Variants in CREG2 observed in about 807,000 individuals in gnomAD.
CREG2 encodes protein CREG2.
In CREG2, 24 loss-of-function variants were observed where a neutral mutation model predicts 26.2. The ratio of observed to expected loss-of-function variants is 0.92; its 90% CI spans 0.66 to 1.29. The LOEUF (loss-of-function observed/expected upper bound fraction) is 1.29. Among genes scored for constraint, CREG2 ranks in the 50% most tolerant of loss-of-function variants. The pLI is 0.00. For synonymous variants in CREG2, 174 were observed against 169.2 expected (o/e 1.03, Z -0.22); for missense variants, 366 against 398.6 (o/e 0.92, Z 0.70).
rs2104467606 is a variant in CREG2 at position 101,350,912 on chromosome 2, T to C, written c.*11A>G. 1 of 1,613,794 alleles carries C rather than the reference T, an allele frequency of 6.2e-7. No homozygotes were observed. The highest frequency in any genetic ancestry group is 8.5e-7 in the Non-Finnish European group (1 of 1,179,866). ...TTAAGTGCAAACACCAAGGACTTTC[T>C]TCTCACTCCATCAGGCCTTTCTGGG... On this transcript the variant is annotated 3_prime_UTR_variant, in exon 4 of 4. Transcript: ENST00000324768.
At chr2:101,362,771 G>T (rs1684561508) in intron 2 of CREG2, among the ~76,000 whole-genome samples, 2 of 152,176 alleles carry the variant, frequency 1.3e-5, no homozygotes, top group South Asian at 4.1e-4. Context: ...CCTGACTTTA[G>T]AGTCAGCTAC....
At chr2:101,359,031 T>C (rs1184024646) in intron 2 of CREG2, among the ~76,000 whole-genome samples, 1 of 62,252 alleles carries the variant, frequency 1.6e-5, no homozygotes, top group African/African-American at 7.6e-5. Context: ...CGAGACTCCG[T>C]CTCAAAAAAA....
intron 2 of CREG2, chr2:101,382,036 C>A (rs1684882567): frequency 3.3e-5 from 5 of 152,306 alleles, no homozygotes; most frequent in Admixed American, 2.6e-4. Context: ...GCTGCCGCAG[C>A]TTTGTCCCAA....
At chr2:101,368,662 G>A (rs1684654749) in intron 2 of CREG2, among the ~76,000 whole-genome samples, 1 of 152,228 alleles carries the variant, frequency 6.6e-6, no homozygotes, top group Non-Finnish European at 1.5e-5. Flanking sequence ...CCTAGAAAAT[G>A]AGTAGGAATC....
chr2:101,375,207 C>T (rs1422870886), intron 2 of CREG2, among the ~76,000 whole-genome samples: 1 of 152,194 alleles, frequency 6.6e-6, no homozygotes, highest in African/African-American at 2.4e-5. Context: ...GCAAGTTGTT[C>T]CGAGGGATCC....
intron 2 of CREG2, among the ~76,000 whole-genome samples, chr2:101,374,112 C>T (rs533270785): frequency 3.3e-5 from 5 of 152,240 alleles, no homozygotes; most frequent in African/African-American, 9.6e-5. Flanking sequence ...AAGAGCTATC[C>T]GCCAGGTGTG....
At chr2:101,382,159 G>C (rs1477991091) in intron 2 of CREG2, 1 of 152,266 alleles carries the variant, frequency 6.6e-6, no homozygotes, top group Non-Finnish European at 1.5e-5. Flanking sequence ...GGGAAGCTTA[G>C]AAAGGTATCC....
chr2:101,385,574 G>C (rs187625632), intron 1 of CREG2, among the ~76,000 whole-genome samples: 10 of 152,292 alleles, frequency 6.6e-5, no homozygotes, highest in Non-Finnish European at 1.2e-4. Flanking sequence ...GCACCTTGTT[G>C]TTACTTGCTC....
chr2:101,367,814 C>T (rs1684640541), intron 2 of CREG2, among the ~76,000 whole-genome samples: 1 of 152,334 alleles, frequency 6.6e-6, no homozygotes, highest in South Asian at 2.1e-4. Context: ...ATGACAGAAG[C>T]AAGCCCTGAG....
intron 2 of CREG2, among the ~76,000 whole-genome samples, chr2:101,368,769 T>C (rs1321231528): frequency 6.6e-6 from 1 of 152,044 alleles, no homozygotes; most frequent in African/African-American, 2.4e-5. Flanking sequence ...CCCCAGAGAG[T>C]TCTCTGGCCC....
intron 3 of CREG2, among the ~76,000 whole-genome samples, chr2:101,354,818 A>AGGTTGG (rs1684431974): frequency 6.6e-6 from 1 of 152,060 alleles, no homozygotes; most frequent in Non-Finnish European, 1.5e-5. Context: ...TTCAGTAAGT[A>AGGTTGG]GGTTGGGGTT....
rs368858161 is a variant in CREG2 at position 101,379,733 on chromosome 2, G to A, written c.611+3800C>T. ...CAAATATTAAGTCAATCAGTAAAGA[G>A]GCAGACACCGCTATTTATTCTGAGA... On this transcript the variant is annotated intron_variant, in intron 2 of 3. Coordinates refer to ENST00000324768, the MANE Select transcript of CREG2 (RefSeq NM_153836.4). 1.8e-4 allele frequency among the ~76,000 whole-genome samples: 28 copies of A among 152,216 alleles called. 1 individual carries two copies. Among genetic ancestry groups the A allele is most frequent in the Admixed American group, 1.2e-3 (19 of 15,280 alleles).
At position 101,351,014 on chromosome 2, in the gene CREG2, C is replaced by A; in HGVS notation, c.782G>T (p.Arg261Met). The change falls in exon 4 of 4, where the codon AGG becomes ATG. Residue 261 changes from arginine to methionine, a missense_variant. By Grantham distance (91) the Arg-to-Met change is moderately conservative (BLOSUM62 -1). Transcript: ENST00000324768. Reference protein sequence around the residue: ...RQYEWFFMKMRIEHIWLQKWY... With the variant: ...RQYEWFFMKMMIEHIWLQKWY... ...TTTCTGAAGCCAGATATGTTCTATC[C>A]TCATCTTCATAAAGAACCATTCATA... The A allele has an allele frequency of 1.2e-6, 2 of 1,614,180 alleles. No individual in the cohort carries two copies. Among genetic ancestry groups the A allele is most frequent in the Non-Finnish European group, 1.7e-6 (2 of 1,180,012 alleles).
chr2:101,378,357 C>T (rs1684821158), intron 2 of CREG2, among the ~76,000 whole-genome samples: 1 of 152,192 alleles, frequency 6.6e-6, no homozygotes. Flanking sequence ...TCCTCATTAT[C>T]CTAAAGCAGC....
intron 1 of CREG2, among the ~76,000 whole-genome samples, chr2:101,386,806 T>C (rs894247482): frequency 1.3e-5 from 2 of 152,114 alleles, no homozygotes; most frequent in African/African-American, 4.8e-5. Context: ...TGGTTATCCA[T>C]GTCCCTCTCC....
rs751432555 is a variant in CREG2, at chr2:101,348,119, T to G, written c.*2804A>C. ...AGAAAATCAGTTGAGCATATTTGTG[T>G]GGGCCTATTTCTAGATTCCCTATTC... On this transcript the variant is annotated 3_prime_UTR_variant, in exon 4 of 4. Transcript: ENST00000324768. 4.6e-5 allele frequency: 7 copies of G among 152,348 alleles called. No individual in the cohort carries two copies. The highest frequency in any genetic ancestry group is 7.3e-5 in the Non-Finnish European group (5 of 68,032). 9.4% of individuals were successfully genotyped at this position (152,348 alleles called of 1,614,324 possible). A position where few individuals can be genotyped will look rare whatever the true frequency, so the allele number is the denominator to read the frequency against.
chr2:101,373,508 T>C (rs755900278), intron 2 of CREG2, among the ~76,000 whole-genome samples: 20 of 152,198 alleles, frequency 1.3e-4, no homozygotes, highest in Non-Finnish European at 2.6e-4. Context: ...GGTGGATGTA[T>C]ATTTATGGGT....
At chr2:101,351,933 T>C (rs537818465) in intron 3 of CREG2, among the ~76,000 whole-genome samples, 1 of 152,308 alleles carries the variant, frequency 6.6e-6, no homozygotes, top group African/African-American at 2.4e-5. Flanking sequence ...TTGCCCTGGC[T>C]GGAGTGCAGT....
In CREG2 at chr2:101,355,380, A is replaced by T. The variant is rs1460853852; in HGVS notation, c.612-14T>A. 1.9e-6 allele frequency: 3 copies of T among 1,567,200 alleles called. No individual in the cohort carries two copies. In the South Asian group the frequency reaches 3.3e-5, roughly 17 times the overall value. On this transcript the variant is annotated splice_polypyrimidine_tract_variant and intron_variant, in intron 2 of 3. Transcript: ENST00000324768. ...ACGATGTTTTTTCTGCATGTGAAAA[A>T]CATTTTTTGTATATCAGAACAAGGA...
Sources: allele counts gnomAD v4.1 joint callset (sites outside exome capture counted in the v4.1 genomes callset), GRCh38; gene constraint gnomAD v4.1.1; transcripts MANE v1.5; gene names NCBI Gene and HGNC (gene_info 2026-07-23, HGNC 2026-07-21).